HSPA12A: variants seen among roughly 807,000 people sequenced by gnomAD.
The protein encoded by HSPA12A is heat shock 70 kDa protein 12A.
HSPA12A carries 28 observed loss-of-function variants against 69.2 expected under a neutral mutation model. That is an observed-to-expected ratio of 0.40 (90% CI 0.30 to 0.55). The LOEUF (loss-of-function observed/expected upper bound fraction) is 0.55, where lower values mean the gene tolerates loss of function less well. HSPA12A is among the 20% of genes least tolerant of loss of function. The pLI is 0.38. For synonymous variants in HSPA12A, 345 were observed against 370.5 expected (o/e 0.93, Z 0.79); for missense variants, 686 against 900.7 (o/e 0.76, Z 3.05).
chr10:116,824,785 C>G (rs184349009), intron 2 of HSPA12A, among the ~76,000 whole-genome samples: 2 of 152,170 alleles, frequency 1.3e-5, no homozygotes, highest in Non-Finnish European at 1.5e-5. Context: ...AGATGCGCAC[C>G]GCCACACCCG....
chr10:116,728,097 C>T (rs782223178), intron 1 of HSPA12A, among the ~76,000 whole-genome samples: 35 of 151,264 alleles, frequency 2.3e-4, no homozygotes, highest in Non-Finnish European at 4.0e-4. Context: ...CATGAGCCAC[C>T]GCGCTTGGCC....
intron 2 of HSPA12A, among the ~76,000 whole-genome samples, chr10:116,815,926 T>G (rs1276514937): frequency 6.6e-6 from 1 of 152,198 alleles, no homozygotes; most frequent in Non-Finnish European, 1.5e-5. Context: ...CCCGCGGCCC[T>G]AAGAGGAAGG....
At chr10:116,757,593 G>A (rs1843879317) in intron 2 of HSPA12A, among the ~76,000 whole-genome samples, 2 of 152,246 alleles carry the variant, frequency 1.3e-5, no homozygotes, top group Non-Finnish European at 2.9e-5. Context: ...CTTTCAGGCT[G>A]AAACCAGGAA....
intron 5 of HSPA12A, among the ~76,000 whole-genome samples, chr10:116,694,844 G>A (rs1211865278): frequency 6.6e-6 from 1 of 152,004 alleles, no homozygotes; most frequent in Non-Finnish European, 1.5e-5. Flanking sequence ...CCCTTTTGCC[G>A]CCTGGAACAA....
chr10:116,806,723 T>C (rs1033687773), intron 2 of HSPA12A, among the ~76,000 whole-genome samples: 6 of 152,172 alleles, frequency 3.9e-5, no homozygotes, highest in Non-Finnish European at 5.9e-5. Context: ...CGAGAGGCCA[T>C]TGGGAGACAG....
intron 4 of HSPA12A, among the ~76,000 whole-genome samples, chr10:116,700,425 A>G (rs1232828960): frequency 1.3e-5 from 2 of 152,148 alleles, no homozygotes; most frequent in African/African-American, 4.8e-5. Context: ...TGGACCTCCA[A>G]TTATTGGGCA....
chr10:116,746,741 T>C (rs1851658487), upstream of HSPA12A, among the ~76,000 whole-genome samples: 1 of 152,236 alleles, frequency 6.6e-6, no homozygotes, highest in Non-Finnish European at 1.5e-5. Context: ...ATATTATAAA[T>C]TACAGAATGG....
At chr10:116,820,904 A>G (rs1234338792) in intron 2 of HSPA12A, among the ~76,000 whole-genome samples, 1 of 151,994 alleles carries the variant, frequency 6.6e-6, no homozygotes, top group Non-Finnish European at 1.5e-5. Flanking sequence ...GGCACATCAT[A>G]TTGGTGACTC....
upstream of HSPA12A, among the ~76,000 whole-genome samples, chr10:116,850,449 C>T (rs1431652932): frequency 3.9e-5 from 6 of 152,060 alleles, no homozygotes; most frequent in East Asian, 1.9e-4. Flanking sequence ...TGGCACATAC[C>T]TTAGCGTTAA....
intron 1 of HSPA12A, among the ~76,000 whole-genome samples, chr10:116,736,570 C>T (rs1554886449): frequency 6.6e-6 from 1 of 152,054 alleles, no homozygotes; most frequent in African/African-American, 2.4e-5. Context: ...GGTCCTCATA[C>T]AAGTGTCCTT....
At position 116,814,682 on chromosome 10, in the gene HSPA12A, A is replaced by T. The variant is rs113301297; in HGVS notation, c.91+20253T>A. On this transcript the variant is annotated intron_variant, in intron 2 of 12. Coordinates refer to the HSPA12A transcript ENST00000635765. ...ACTTGGGCCAGACTAGACAGCTCAG[A>T]GCCAAAAGAGAAAGGACATTTCTGG... Among the ~76,000 whole-genome samples, 1,519 of 152,310 alleles carry T rather than the reference A, an allele frequency of 1.0e-2. 20 individuals are homozygous for T. Among genetic ancestry groups the T allele is most frequent in the African/African-American group, 0.031 (1,305 of 41,564 alleles).
At chr10:116,724,738 G>A (rs1291083990) in intron 1 of HSPA12A, among the ~76,000 whole-genome samples, 1 of 152,206 alleles carries the variant, frequency 6.6e-6, no homozygotes, top group Non-Finnish European at 1.5e-5. Flanking sequence ...AGACAAGTGA[G>A]TGACGCCTCC....
chr10:116,794,514 A>T (rs1226521292), intron 2 of HSPA12A, among the ~76,000 whole-genome samples: 1 of 152,228 alleles, frequency 6.6e-6, no homozygotes, highest in Non-Finnish European at 1.5e-5. Context: ...ACGCAATAGT[A>T]AAAAGATAAT....
intron 1 of HSPA12A, among the ~76,000 whole-genome samples, chr10:116,730,470 G>A (rs1373920036): frequency 6.6e-6 from 1 of 152,212 alleles, no homozygotes; most frequent in East Asian, 1.9e-4. Flanking sequence ...GGGGTGTTGA[G>A]TGCTATTTTA....
chr10:116,801,101 G>A (rs898898053), intron 2 of HSPA12A, among the ~76,000 whole-genome samples: 8 of 152,150 alleles, frequency 5.3e-5, no homozygotes, highest in Non-Finnish European at 8.8e-5. Flanking sequence ...TTTTAGAAAG[G>A]CTTGATGTGG....
intron 1 of HSPA12A, among the ~76,000 whole-genome samples, chr10:116,714,492 C>A (rs1242417998): frequency 6.6e-5 from 10 of 152,142 alleles, no homozygotes; most frequent in Non-Finnish European, 1.5e-4. Flanking sequence ...GCTAAGTCAC[C>A]ACTACAGCCT....
At chr10:116,736,988 T>C (rs904208230) in intron 1 of HSPA12A, among the ~76,000 whole-genome samples, 45 of 152,354 alleles carry the variant, frequency 3.0e-4, no homozygotes, top group Middle Eastern at 6.8e-3. Flanking sequence ...TAATTGCTCA[T>C]ATTAATTCAA....
chr10:116,789,426 G>A (rs536550581), intron 2 of HSPA12A, among the ~76,000 whole-genome samples: 10 of 152,060 alleles, frequency 6.6e-5, no homozygotes, highest in Non-Finnish European at 1.5e-4. Flanking sequence ...ACTGGGAAAT[G>A]AAGGATGAGT....
At chr10:116,739,510 G>A (rs991545019) in intron 1 of HSPA12A, among the ~76,000 whole-genome samples, 1 of 151,964 alleles carries the variant, frequency 6.6e-6, no homozygotes, top group African/African-American at 2.4e-5. Flanking sequence ...CCTCAAGCCC[G>A]TGCCCTGGAA....
Sources: gnomAD v4.1 joint callset for allele counts (sites outside exome capture counted in the v4.1 genomes callset) on GRCh38, gnomAD v4.1.1 for gene constraint, MANE v1.5 for transcripts, NCBI Gene and HGNC (gene_info 2026-07-23, HGNC 2026-07-21) for gene names.